Variants in GABRB1 observed in about 807,000 individuals in gnomAD.
GABRB1 encodes gamma-aminobutyric acid receptor subunit beta-1.
A neutral mutation model predicts 51.6 loss-of-function variants in GABRB1; 17 were observed. That is an observed-to-expected ratio of 0.33 (90% CI 0.23 to 0.49). GABRB1 has a LOEUF of 0.49. Ranked by LOEUF, GABRB1 falls within the 20% of genes least tolerant of loss-of-function variation. GABRB1 has a pLI of 0.99. For missense variants in GABRB1, 410 were observed against 600.6 expected (o/e 0.68, Z 3.32); for synonymous variants, 247 against 218.9 (o/e 1.13, Z -1.14).
intron 4 of GABRB1, among the ~76,000 whole-genome samples, chr4:47,264,807 AAT>A (rs1482650876): frequency 1.3e-5 from 2 of 152,126 alleles, no homozygotes; most frequent in African/African-American, 4.8e-5. Flanking sequence ...TTCTGCAATC[AAT>A]CTTTCTCTTT....
chr4:47,368,307 C>T (rs1291043821), intron 5 of GABRB1, among the ~76,000 whole-genome samples: 1 of 152,126 alleles, frequency 6.6e-6, no homozygotes, highest in African/African-American at 2.4e-5. Flanking sequence ...TTATCTACTC[C>T]CCAACACCCA....
At chr4:47,126,818 T>C (rs16859907) in intron 3 of GABRB1, among the ~76,000 whole-genome samples, 2,460 of 152,084 alleles carry the variant, frequency 0.016, 76 homozygotes, top group African/African-American at 0.057. Flanking sequence ...TATTGAATCA[T>C]AGAAGAGAGG....
intron 4 of GABRB1, among the ~76,000 whole-genome samples, chr4:47,186,179 T>C (rs1719170912): frequency 6.9e-6 from 1 of 144,676 alleles, no homozygotes; most frequent in Non-Finnish European, 1.5e-5. Context: ...ATTTCCTAAA[T>C]ATACCTTCAG....
At chr4:47,259,410 T>C (rs1722337152) in intron 4 of GABRB1, among the ~76,000 whole-genome samples, 1 of 152,186 alleles carries the variant, frequency 6.6e-6, no homozygotes, top group African/African-American at 2.4e-5. Context: ...CTGTAGTATC[T>C]ATAAGCTCTG....
At chr4:47,377,952 A>T (rs1262738127) in intron 5 of GABRB1, among the ~76,000 whole-genome samples, 1 of 152,226 alleles carries the variant, frequency 6.6e-6, no homozygotes, top group South Asian at 2.1e-4. Context: ...CCACGTCCCC[A>T]CCAGACTCAG....
chr4:47,248,136 T>C (rs1721836310), intron 4 of GABRB1, among the ~76,000 whole-genome samples: 1 of 152,018 alleles, frequency 6.6e-6, no homozygotes, highest in South Asian at 2.1e-4. Context: ...CAGTATTATG[T>C]TGTGGGTCTG....
intron 3 of GABRB1, among the ~76,000 whole-genome samples, chr4:47,123,724 G>C (rs36203165): frequency 0.43 from 33,471 of 78,400 alleles, 7,788 homozygotes; most frequent in African/African-American, 0.55. Flanking sequence ...TATGATATAT[G>C]ATATATCATA....
chr4:47,381,367 A>G (rs544189982), intron 5 of GABRB1, among the ~76,000 whole-genome samples: 1 of 152,178 alleles, frequency 6.6e-6, no homozygotes, highest in Non-Finnish European at 1.5e-5. Flanking sequence ...GATGTGCTCA[A>G]GACTTAACTG....
intron 5 of GABRB1, among the ~76,000 whole-genome samples, chr4:47,401,565 C>A (rs1728385244): frequency 6.6e-6 from 1 of 152,134 alleles, no homozygotes; most frequent in Non-Finnish European, 1.5e-5. Flanking sequence ...GAAAGAAAAT[C>A]CCATGATGCC....
At chr4:47,190,805 G>T (rs908726210) in intron 4 of GABRB1, among the ~76,000 whole-genome samples, 5 of 152,112 alleles carry the variant, frequency 3.3e-5, no homozygotes, top group Non-Finnish European at 7.3e-5. Flanking sequence ...TGGGGCCTGA[G>T]ATCGTAGGGA....
At chr4:47,364,622 TA>T (rs547649161) in intron 5 of GABRB1, among the ~76,000 whole-genome samples, 1 of 149,488 alleles carries the variant, frequency 6.7e-6, no homozygotes, top group Non-Finnish European at 1.5e-5. Flanking sequence ...CCAGTGAGAC[TA>T]AAAAAAATTT....
chr4:47,251,709 G>T (rs2109864226), intron 4 of GABRB1, among the ~76,000 whole-genome samples: 1 of 152,288 alleles, frequency 6.6e-6, no homozygotes, highest in Non-Finnish European at 1.5e-5. Context: ...GGTCAATGGA[G>T]TTGTGTACCT....
At chr4:47,235,997 GT>G (rs965532802) in intron 4 of GABRB1, among the ~76,000 whole-genome samples, 3 of 151,514 alleles carry the variant, frequency 2.0e-5, no homozygotes, top group African/African-American at 7.3e-5. Flanking sequence ...ACCATCCTAG[GT>G]TTTTTTTCTT....
intron 4 of GABRB1, among the ~76,000 whole-genome samples, chr4:47,246,539 T>C (rs1214860378): frequency 6.6e-6 from 1 of 150,670 alleles, no homozygotes; most frequent in Non-Finnish European, 1.5e-5. Context: ...TCTGGGTAAA[T>C]ACCCAGTAGT....
rs374137243 is a variant in GABRB1, at chr4:47,201,739, G to A, written c.461+40270G>A. Among the ~76,000 whole-genome samples the A allele has an allele frequency of 1.6e-3, 236 of 152,164 alleles. 5 individuals are homozygous for A. In the South Asian group the frequency reaches 0.047, roughly 30 times the overall value. ...TTAATAATAAAAAGTTGTGAAAAGC[G>A]AAGATAGTCTAGATATAACCCTATT... On this transcript the variant is annotated intron_variant, in intron 4 of 8. Coordinates refer to ENST00000295454, the MANE Select transcript of GABRB1 (RefSeq NM_000812.4).
At chr4:47,344,009 C>T (rs979176108) in intron 5 of GABRB1, among the ~76,000 whole-genome samples, 12 of 152,086 alleles carry the variant, frequency 7.9e-5, no homozygotes, top group African/African-American at 2.9e-4. Context: ...GGGGCTGTTG[C>T]TTTAGATTAT....
rs71654875 is a variant in GABRB1, at chr4:47,420,943, AACACACACAC to A, written c.1081-4705_1081-4696del. Among the ~76,000 whole-genome samples the A allele has an allele frequency of 2.4e-4, 34 of 141,076 alleles. No individual in the cohort carries two copies. In the East Asian group the frequency reaches 5.1e-3, roughly 21 times the overall value. The allele number at this position is 141,076 out of a possible 152,430, so 92.6% of individuals were successfully genotyped here. On this transcript the variant is annotated intron_variant, in intron 8 of 8. Coordinates refer to ENST00000295454, the MANE Select transcript of GABRB1 (RefSeq NM_000812.4). ...GCATGAGCATGTACATACACACACA[AACACACACAC>A]ACACACACACACACACACACACACA...
chr4:47,199,545 G>A (rs774535630), intron 4 of GABRB1, among the ~76,000 whole-genome samples: 14 of 152,196 alleles, frequency 9.2e-5, no homozygotes, highest in Non-Finnish European at 1.5e-4. Flanking sequence ...CAGCAGCAAC[G>A]TTGTTGGCTT....
At chr4:47,050,323 A>C (rs1726288965) in intron 3 of GABRB1, among the ~76,000 whole-genome samples, 1 of 152,230 alleles carries the variant, frequency 6.6e-6, no homozygotes, top group Admixed American at 6.5e-5. Flanking sequence ...AATTGAAATC[A>C]TCAGACCAGT....
Sources: allele counts gnomAD v4.1 joint callset (sites outside exome capture counted in the v4.1 genomes callset), GRCh38; gene constraint gnomAD v4.1.1; transcripts MANE v1.5; gene names NCBI Gene and HGNC (gene_info 2026-07-23, HGNC 2026-07-21).